FRMD4A: variants seen among roughly 807,000 people sequenced by gnomAD.
The protein encoded by FRMD4A is FERM domain containing 4A, also known as FERM domain-containing protein 4A.
FRMD4A carries 29 observed loss-of-function variants against 129.1 expected under a neutral mutation model. The ratio of observed to expected loss-of-function variants is 0.22; its 90% CI spans 0.17 to 0.31. The LOEUF is 0.31. FRMD4A is among the 10% of genes least tolerant of loss of function. The pLI, the probability that FRMD4A is intolerant of heterozygous loss-of-function variation, is 1.00. For synonymous variants in FRMD4A, 634 were observed against 571.6 expected (o/e 1.11, Z -1.56); for missense variants, 1,272 against 1,375.8 (o/e 0.92, Z 1.19).
chr10:13,658,344 A>G (rs1032625069), intron 21 of FRMD4A, among the ~76,000 whole-genome samples: 1 of 152,170 alleles, frequency 6.6e-6, no homozygotes, highest in Non-Finnish European at 1.5e-5. Context: ...TGATGCAAAT[A>G]CTCACCATAC....
In FRMD4A at chr10:13,910,839, C is replaced by T. The variant is rs553033870; in HGVS notation, c.46-51927G>A. Among the ~76,000 whole-genome samples, 136 of 138,750 alleles carry T rather than the reference C, an allele frequency of 9.8e-4. 1 individual carries two copies. Among genetic ancestry groups the T allele is most frequent in the South Asian group, 1.6e-3 (7 of 4,392 alleles). The allele number at this position is 138,750 out of a possible 152,430, so 91.0% of individuals were successfully genotyped here. A position where few individuals can be genotyped will look rare whatever the true frequency, so the allele number is the denominator to read the frequency against. The stretch of plus-strand genomic sequence containing the variant: ...TTTGCCCCGTGCATGTACCAGAAAC[C>T]ACGGCATCATTCACCAACACCATCC... On this transcript the variant is annotated intron_variant, in intron 2 of 24. Transcript: ENST00000357447.
chr10:13,899,449 A>C (rs1451827152), intron 2 of FRMD4A, among the ~76,000 whole-genome samples: 1 of 152,136 alleles, frequency 6.6e-6, no homozygotes, highest in African/African-American at 2.4e-5. Context: ...GATTCCTATG[A>C]GGTGGAAACT....
intron 2 of FRMD4A, among the ~76,000 whole-genome samples, chr10:14,079,441 A>G (rs1444955954): frequency 6.6e-6 from 1 of 152,244 alleles, no homozygotes; most frequent in African/African-American, 2.4e-5. Flanking sequence ...AAGTCAATCA[A>G]ACAAAAATGA....
intron 2 of FRMD4A, among the ~76,000 whole-genome samples, chr10:14,198,217 G>A (rs1272342732): frequency 2.0e-5 from 3 of 152,184 alleles, no homozygotes; most frequent in African/African-American, 7.2e-5. Context: ...ATATAACTAA[G>A]GAACAGATCT....
chr10:13,736,597 G>T (rs574682683), intron 12 of FRMD4A, among the ~76,000 whole-genome samples: 1 of 152,240 alleles, frequency 6.6e-6, no homozygotes, highest in Admixed American at 6.5e-5. Flanking sequence ...ATTTAATAAA[G>T]AAGTTTGCCA....
chr10:14,052,861 G>A (rs1429477573), intron 2 of FRMD4A, among the ~76,000 whole-genome samples: 1 of 152,152 alleles, frequency 6.6e-6, no homozygotes, highest in Non-Finnish European at 1.5e-5. Context: ...ACTGCGCTCA[G>A]CCACCAGGCT....
chr10:14,021,204 T>C (rs1053066557), intron 2 of FRMD4A, among the ~76,000 whole-genome samples: 1 of 152,010 alleles, frequency 6.6e-6, no homozygotes, highest in Non-Finnish European at 1.5e-5. Flanking sequence ...GATGTGTATA[T>C]AGGTGGGGAA....
At chr10:14,280,982 ATT>A (rs772555677) in intron 2 of FRMD4A, among the ~76,000 whole-genome samples, 201 of 76,522 alleles carry the variant, frequency 2.6e-3, no homozygotes, top group African/African-American at 9.3e-3. Context: ...ACTGGTTTCA[ATT>A]TTTTTTTTTT....
intron 6 of FRMD4A, among the ~76,000 whole-genome samples, chr10:13,764,027 AC>A: frequency 6.6e-6 from 1 of 152,236 alleles, no homozygotes; most frequent in East Asian, 1.9e-4. Flanking sequence ...GAGCCACTGC[AC>A]CCGGCCAAAA....
At chr10:14,131,711 TA>T (rs749191513) in intron 2 of FRMD4A, among the ~76,000 whole-genome samples, 9 of 152,128 alleles carry the variant, frequency 5.9e-5, no homozygotes, top group Non-Finnish European at 1.0e-4. Flanking sequence ...GCAAACAAGA[TA>T]CCACGCCACG....
At chr10:13,886,241 C>G (rs912059968) in intron 2 of FRMD4A, among the ~76,000 whole-genome samples, 10 of 151,016 alleles carry the variant, frequency 6.6e-5, no homozygotes, top group Non-Finnish European at 1.3e-4. Flanking sequence ...TTTTTTTTCC[C>G]ATGCGTTCCC....
chr10:13,959,954 C>CACCGT (rs1284879598), intron 2 of FRMD4A, among the ~76,000 whole-genome samples: 1 of 152,216 alleles, frequency 6.6e-6, no homozygotes, highest in East Asian at 1.9e-4. Flanking sequence ...GTGGAAAAGG[C>CACCGT]ACCGTGGCTG....
rs1186866096 is a variant in FRMD4A at position 13,656,735 on chromosome 10, A to T, written c.2854T>A (p.Ser952Thr). Residue 952 changes from serine (S) to threonine (T), a missense_variant, in exon 22 of 25, where the codon TCC becomes ACC. Physicochemically the swap from Ser to Thr is moderately conservative, Grantham distance 58 (BLOSUM62 1). Coordinates refer to ENST00000357447, the MANE Select transcript of FRMD4A (RefSeq NM_018027.5). Reference protein sequence around the residue: ...HSRLSHTSSTSSDSGSQYSTS... With the variant: ...HSRLSHTSSTTSDSGSQYSTS... Reference sequence around the variant, plus strand: ...CTGTACTGCGAGCCGCTGTCCGAGGAGGTGGAGCTGGTGTGCGACAGGCGG... The same window carrying T: ...CTGTACTGCGAGCCGCTGTCCGAGGTGGTGGAGCTGGTGTGCGACAGGCGG... The T allele has an allele frequency of 1.3e-6, 2 of 1,596,652 alleles. No individual in the cohort carries two copies. The highest frequency in any genetic ancestry group is 1.7e-6 in the Non-Finnish European group (2 of 1,172,630).
Position 13,659,455 on chromosome 10 carries a change from G to A in FRMD4A, c.1934C>T (p.Ala645Val), listed in dbSNP as rs761744380. ...HKRFPSTGSCAEAGGGSNSLQ... is the reference protein window; with the variant it reads ...HKRFPSTGSCVEAGGGSNSLQ... Reference sequence around the variant, plus strand: ...GGAGTTGCTTCCTCCGCCGGCTTCCGCACAGCTTCCTGTGCTGGGGAAGCG... The same window carrying A: ...GGAGTTGCTTCCTCCGCCGGCTTCCACACAGCTTCCTGTGCTGGGGAAGCG... Residue 645 changes from alanine (A) to valine (V), a missense_variant, in exon 21 of 25, where the codon GCG becomes GTG. By Grantham distance (64) the Ala-to-Val change is moderately conservative (BLOSUM62 0). This residue lies in a region of FRMD4A where 972 missense variants were observed against 892.3 expected (regional missense o/e 1.09). Coordinates refer to ENST00000357447, the MANE Select transcript of FRMD4A (RefSeq NM_018027.5). 3.6e-5 allele frequency: 58 copies of A among 1,613,534 alleles called. No homozygotes were observed. The highest frequency in any genetic ancestry group is 3.4e-4 in the Middle Eastern group (2 of 5,872).
intron 14 of FRMD4A, among the ~76,000 whole-genome samples, chr10:13,694,447 C>T (rs1178915592): frequency 6.6e-6 from 1 of 152,182 alleles, no homozygotes; most frequent in African/African-American, 2.4e-5. Flanking sequence ...TCCTCCCCTC[C>T]CAACTCCCCT....
rs145009691 is a variant in FRMD4A, at chr10:13,722,661, A to G, written c.759+15183T>C. On this transcript the variant is annotated intron_variant, in intron 12 of 24. Transcript: ENST00000357447. ...CGCTGCCTAACTAGAGCCATAGGATAGTAAACTGGAAGTTCTGGCTGACAT... is the reference window on the plus strand; with the variant it reads ...CGCTGCCTAACTAGAGCCATAGGATGGTAAACTGGAAGTTCTGGCTGACAT... Among the ~76,000 whole-genome samples the G allele has an allele frequency of 5.3e-5, 8 of 152,350 alleles. 1 individual carries two copies. In the East Asian group the frequency reaches 1.5e-3, roughly 29 times the overall value.
chr10:13,973,058 G>T (rs2095526755), intron 2 of FRMD4A, among the ~76,000 whole-genome samples: 1 of 152,160 alleles, frequency 6.6e-6, no homozygotes, highest in African/African-American at 2.4e-5. Flanking sequence ...TGTGGCCTCA[G>T]ACAAATTAAT....
At chr10:14,089,234 G>T (rs1383642598) in intron 2 of FRMD4A, among the ~76,000 whole-genome samples, 1 of 152,198 alleles carries the variant, frequency 6.6e-6, no homozygotes, top group Non-Finnish European at 1.5e-5. Context: ...CCCTGGCGCT[G>T]GTTCTCTCTG....
chr10:14,268,335 C>T (rs1356674939), intron 2 of FRMD4A, among the ~76,000 whole-genome samples: 2 of 152,164 alleles, frequency 1.3e-5, no homozygotes, highest in Admixed American at 6.5e-5. Flanking sequence ...TTGTGCCATC[C>T]ACAACAATGC....
Sources: allele counts gnomAD v4.1 joint callset (sites outside exome capture counted in the v4.1 genomes callset), GRCh38; gene constraint gnomAD v4.1.1; regional missense constraint gnomAD v4.1.1; transcripts MANE v1.5; gene names NCBI Gene and HGNC (gene_info 2026-07-23, HGNC 2026-07-21).